The following POLD2 variants were observed in gnomAD, a reference collection of about 807,000 sequenced individuals.
POLD2 encodes the protein DNA polymerase delta 2, accessory subunit.
Under a neutral mutation model 48.8 loss-of-function variants are expected in POLD2, and 31 were observed. The observed-to-expected ratio is 0.64, with a 90% CI of 0.48 to 0.86. The LOEUF (loss-of-function observed/expected upper bound fraction) is 0.86, where lower values mean the gene tolerates loss of function less well. Ranked by LOEUF, POLD2 falls within the 40% of genes least tolerant of loss-of-function variation. The pLI is 0.00. For missense variants in POLD2, 455 were observed against 610.1 expected, an observed-to-expected ratio of 0.75 and a Z score of 2.68; for synonymous variants, 233 against 256.3, an observed-to-expected ratio of 0.91 and a Z score of 0.87.
In POLD2 at chr7:44,114,935, G is replaced by C. The variant is rs1344187844; in HGVS notation, c.1260C>G (p.Asp420Glu). 1.2e-6 allele frequency: 2 copies of C among 1,606,500 alleles called. No homozygotes were observed. Among genetic ancestry groups the C allele is most frequent in the African/African-American group, 2.7e-5 (2 of 74,790 alleles). ...FGSKIIRGPE[D>E]QTVLLVTVPD... is the part of the protein sequence containing the mutation. Reference sequence around the variant, plus strand: ...GGACAGTCACCAACAGCACTGTCTGGTCCTCAGGACCTGCAAAGAAGTCAC... The same window carrying C: ...GGACAGTCACCAACAGCACTGTCTGCTCCTCAGGACCTGCAAAGAAGTCAC... The change falls in exon 11 of 11, where the codon GAC (aspartate) becomes GAG (glutamate). Residue 420 changes from aspartate (D) to glutamate (E), a missense_variant. Asp to Glu is a conservative substitution (Grantham distance 45). Around this residue, in one of 3 missense-constraint regions of POLD2, gnomAD observed 98 missense variants for 138.6 expected, o/e 0.71. Transcript: ENST00000610533.
At chr7:44,115,163 C>A in intron 10 of POLD2, 132 bp downstream of exon 10, 1 of 774,052 alleles carries the variant, frequency 1.3e-6, no homozygotes, top group Non-Finnish European at 2.2e-6. Context: ...GGCAGCTGTG[C>A]AGAAGACCTC....
chr7:44,123,410 C>T (rs2096250996), intron 1 of POLD2, 101 bp downstream of exon 1: 19 of 1,453,008 alleles, frequency 1.3e-5, no homozygotes, highest in Admixed American at 2.5e-5. Flanking sequence ...GCGGCAGCTG[C>T]GGGACGTCCG....
rs2096241868 is a variant in POLD2, at chr7:44,117,411, T to C, written c.467-164A>G. On this transcript the variant is annotated intron_variant, in intron 4 of 10. Coordinates refer to ENST00000610533, the MANE Select transcript of POLD2 (RefSeq NM_006230.4). Reference sequence around the variant, plus strand: ...GCTTCCTGGAGTCACTGCCCTTGGATGGAGGTGGGGAGACCCATCTCCCAG... The same window carrying C: ...GCTTCCTGGAGTCACTGCCCTTGGACGGAGGTGGGGAGACCCATCTCCCAG... 1.4e-5 allele frequency: 10 copies of C among 726,056 alleles called. No individual in the cohort carries two copies. In the East Asian group the frequency reaches 2.7e-4, roughly 20 times the overall value. The allele number at this position is 726,056 out of a possible 1,614,324, so 45.0% of individuals were successfully genotyped here.
rs764184051 is a variant in POLD2 at position 44,118,076 on chromosome 7, G to T, written c.221-12C>A. ...TCCCACTCCACTGCCTGGGACACGA[G>T]GGGTACAGACTCAGAGATGAAGTAG... On this transcript the variant is annotated splice_polypyrimidine_tract_variant and intron_variant, in intron 2 of 10. Coordinates refer to ENST00000610533, the MANE Select transcript of POLD2 (RefSeq NM_006230.4). The T allele has an allele frequency of 3.2e-5, 52 of 1,613,620 alleles. No homozygotes were observed. Among genetic ancestry groups the T allele is most frequent in the Non-Finnish European group, 4.0e-5 (47 of 1,179,798 alleles).
rs1184787499 is a variant in POLD2, at chr7:44,121,395, G to A, written c.220+439C>T. Among the ~76,000 whole-genome samples the A allele has an allele frequency of 2.0e-5, 3 of 152,328 alleles. No individual in the cohort carries two copies. Among genetic ancestry groups the A allele is most frequent in the South Asian group, 2.1e-4 (1 of 4,828 alleles). On this transcript the variant is annotated intron_variant, in intron 2 of 10. Transcript: ENST00000610533. This position sits in a 1 kb window ranked among gnomAD's most constrained non-coding sequence, Gnocchi z 4.5. ...TGGCCAGCAAATATGGGGGCCAGGA[G>A]GAGAGGCAAACAGACATGAGTGAAC...
rs745821324 is a variant in POLD2, at chr7:44,114,953, G to T, written c.1250-8C>A. ...CTGTCTGGTCCTCAGGACCTGCAAA[G>T]AAGTCACATAGGACCCACTGTAGGT... On this transcript the variant is annotated splice_region_variant and splice_polypyrimidine_tract_variant and intron_variant, in intron 10 of 10. Transcript: ENST00000610533. 3.1e-6 allele frequency: 5 copies of T among 1,599,178 alleles called. No individual in the cohort carries two copies. The South Asian group carries it at 5.5e-5, about 18-fold the overall frequency.
Position 44,118,103 on chromosome 7 carries a change from C to A in POLD2, c.221-39G>T, listed in dbSNP as rs756054045. ...GGTACAGACTCAGAGATGAAGTAGC[C>A]CCCCCGCCCGACAGAGGCCATGGAG... On this transcript the variant is annotated intron_variant, in intron 2 of 10. Coordinates refer to ENST00000610533, the MANE Select transcript of POLD2 (RefSeq NM_006230.4). The A allele has an allele frequency of 1.3e-5, 21 of 1,608,254 alleles. No individual in the cohort carries two copies. The African/African-American group carries it at 2.7e-4, about 20-fold the overall frequency.
chr7:44,122,743 T>TC (rs1201810738), intron 1 of POLD2: 1 of 152,322 alleles, frequency 6.6e-6, no homozygotes. Flanking sequence ...CTTGCCCCTC[T>TC]CCCGTATACT....
chr7:44,116,520 A>C lies in POLD2; in HGVS notation c.781-10T>G, dbSNP rs2096239754. 6.4e-7 allele frequency: 1 copy of C among 1,564,458 alleles called. No homozygotes were observed. The highest frequency in any genetic ancestry group is 1.9e-5 in the Admixed American group (1 of 52,534). On this transcript the variant is annotated splice_polypyrimidine_tract_variant and intron_variant, in intron 6 of 10. Coordinates refer to ENST00000610533, the MANE Select transcript of POLD2 (RefSeq NM_006230.4). This position sits in a 1 kb window ranked among gnomAD's most constrained non-coding sequence, Gnocchi z 6.1. ...TGGTGAGGTATTTGGCCTGGAATAG[A>C]AGCCCAGAAGGCCATCAGGCCCAGG...
chr7:44,123,748 A>T, upstream of POLD2: 1 of 1,321,532 alleles, frequency 7.6e-7, no homozygotes, highest in Non-Finnish European at 9.7e-7. Flanking sequence ...GGGGGCTCGC[A>T]GGCCGGCGCC....
chr7:44,123,321 A>C, intron 1 of POLD2, 190 bp downstream of exon 1: 1 of 1,365,576 alleles, frequency 7.3e-7, no homozygotes, highest in Non-Finnish European at 9.4e-7. Context: ...GGCAGCAGCC[A>C]GGCCGCGCTA....
chr7:44,116,601 G>A lies in POLD2; in HGVS notation c.781-91C>T. The A allele has an allele frequency of 8.8e-7, 1 of 1,138,618 alleles. No homozygotes were observed. The highest frequency in any genetic ancestry group is 1.5e-5 in the African/African-American group (1 of 65,098). 70.5% of individuals were successfully genotyped at this position (1,138,618 alleles called of 1,614,324 possible). A position where few individuals can be genotyped will look rare whatever the true frequency, so the allele number is the denominator to read the frequency against. On this transcript the variant is annotated intron_variant, in intron 6 of 10. Transcript: ENST00000610533. This position sits in a 1 kb window ranked among gnomAD's most constrained non-coding sequence, Gnocchi z 6.1. ...CCACCAGCTGGAAGATGCAGTTGTT[G>A]TCCCATAGACCCTCACTCCCTTCAA...
At chr7:44,123,453 G>A in intron 1 of POLD2, 58 bp downstream of exon 1, 1 of 1,492,622 alleles carries the variant, frequency 6.7e-7, no homozygotes, top group Non-Finnish European at 8.9e-7. Context: ...CAGGAGCCCG[G>A]CCTCGCGGCC....
rs1458833477 is a variant in POLD2 at position 44,117,298 on chromosome 7, T to C, written c.467-51A>G. 3 of 1,336,486 alleles carry C rather than the reference T, an allele frequency of 2.2e-6. No individual in the cohort carries two copies. In the East Asian group the frequency reaches 7.1e-5, roughly 32 times the overall value. 82.8% of individuals were successfully genotyped at this position (1,336,486 alleles called of 1,614,324 possible). A position where few individuals can be genotyped will look rare whatever the true frequency, so the allele number is the denominator to read the frequency against. On this transcript the variant is annotated intron_variant, in intron 4 of 10. Transcript: ENST00000610533. ...AGCAGGGAGCCCCAGGTGCTACCAC[T>C]CCTTCCAGTCACCCCAACGGGCAAA...
chr7:44,114,927 A>T lies in POLD2; in HGVS notation c.1268T>A (p.Val423Glu). Residue 423 changes from valine to glutamate, a missense_variant, in exon 11 of 11, where the codon GTG (valine) becomes GAG (glutamate). Physicochemically the swap from Val to Glu is moderately radical, Grantham distance 121. This residue lies in a region of POLD2 where 98 missense variants were observed against 138.6 expected (regional missense o/e 0.71). Coordinates refer to ENST00000610533, the MANE Select transcript of POLD2 (RefSeq NM_006230.4). ...GAAGTCAGGGACAGTCACCAACAGCACTGTCTGGTCCTCAGGACCTGCAAA... is the reference window on the plus strand; with the variant it reads ...GAAGTCAGGGACAGTCACCAACAGCTCTGTCTGGTCCTCAGGACCTGCAAA... ...KIIRGPEDQT[V>E]LLVTVPDFSA... is the part of the protein sequence containing the mutation. The T allele has an allele frequency of 6.2e-7, 1 of 1,610,838 alleles. No homozygotes were observed. Among genetic ancestry groups the T allele is most frequent in the African/African-American group, 1.3e-5 (1 of 75,000 alleles).
Position 44,116,345 on chromosome 7 carries a change from C to T in POLD2, c.862-73G>A, listed in dbSNP as rs151142658. 530 of 1,597,838 alleles carry T rather than the reference C, an allele frequency of 3.3e-4. No homozygotes were observed. Among genetic ancestry groups the T allele is most frequent in the Middle Eastern group, 5.0e-4 (3 of 6,014 alleles). On this transcript the variant is annotated intron_variant, in intron 7 of 10. Coordinates refer to ENST00000610533, the MANE Select transcript of POLD2 (RefSeq NM_006230.4). The surrounding 1 kb of genome is among the most constrained non-coding windows in gnomAD (Gnocchi z 6.1). Reference sequence around the variant, plus strand: ...CCTACACCAACTCCGGCCACTCCCCCTGCCCTCCTGCCTGCCTTCTGTTGC... The same window carrying T: ...CCTACACCAACTCCGGCCACTCCCCTTGCCCTCCTGCCTGCCTTCTGTTGC...
chr7:44,116,743 C>A lies in POLD2; in HGVS notation c.780+74G>T. 6.5e-7 allele frequency: 1 copy of A among 1,530,454 alleles called. No individual in the cohort carries two copies. Among genetic ancestry groups the A allele is most frequent in the South Asian group, 1.1e-5 (1 of 88,526 alleles). The allele number at this position is 1,530,454 out of a possible 1,614,324, so 94.8% of individuals were successfully genotyped here. On this transcript the variant is annotated intron_variant, in intron 6 of 10. Transcript: ENST00000610533. The surrounding 1 kb of genome is among the most constrained non-coding windows in gnomAD (Gnocchi z 6.1). ...GAGACCTCACAGGGTACCCTACTCG[C>A]CCTGGGGAAGGAGGGTCTTACAGGC... is the stretch of plus-strand genomic sequence containing the variant.
rs2096242196 is a variant in POLD2 at position 44,117,604 on chromosome 7, C to A, written c.466+15G>T. 1 of 1,596,026 alleles carries A rather than the reference C, an allele frequency of 6.3e-7. No individual in the cohort carries two copies. The highest frequency in any genetic ancestry group is 1.3e-5 in the African/African-American group (1 of 74,764). On this transcript the variant is annotated intron_variant, in intron 4 of 10. Transcript: ENST00000610533. Reference sequence around the variant, plus strand: ...TTCACCTGCATCACCCACATCCTCTCATTGGGCTCCCTACCCGTAACCAGC... The same window carrying A: ...TTCACCTGCATCACCCACATCCTCTAATTGGGCTCCCTACCCGTAACCAGC...
chr7:44,116,889 G>A lies in POLD2; in HGVS notation c.708C>T (p.Ala236=). Residue 236 remains alanine (A), a synonymous_variant, in exon 6 of 11, where the codon GCC becomes GCT. Transcript: ENST00000610533. The surrounding 1 kb of genome is among the most constrained non-coding windows in gnomAD (Gnocchi z 6.1). ...LGDEGEQCSA[A]HVSRVILAGN... ...CAGCGAGGATAACCCGGGAGACGTG[G>A]GCGGCGCTGCACTGCTCCCCTTCGT... is the stretch of plus-strand genomic sequence containing the variant. 1 of 1,614,004 alleles carries A rather than the reference G, an allele frequency of 6.2e-7. No individual in the cohort carries two copies. Among genetic ancestry groups the A allele is most frequent in the South Asian group, 1.1e-5 (1 of 91,088 alleles).
Sources: allele counts gnomAD v4.1 joint callset (sites outside exome capture counted in the v4.1 genomes callset), GRCh38; gene constraint gnomAD v4.1.1; regional missense constraint gnomAD v4.1.1; non-coding constraint Gnocchi (gnomAD v3.1); transcripts MANE v1.5; gene names NCBI Gene and HGNC (gene_info 2026-07-23, HGNC 2026-07-21).